MESP1: variants seen among roughly 807,000 people sequenced by gnomAD.
MESP1 encodes mesoderm posterior protein 1.
MESP1 carries 22 observed loss-of-function variants against 15.2 expected under a neutral mutation model. That is an observed-to-expected ratio of 1.45 (90% CI 1.04 to 2.07). The LOEUF (loss-of-function observed/expected upper bound fraction) is 2.07, where lower values mean the gene tolerates loss of function less well. Ranked by LOEUF, MESP1 falls within the 30% of genes most tolerant of loss-of-function variation. The pLI is 0.00. For synonymous variants in MESP1, 216 were observed against 192.6 expected (o/e 1.12, Z -1.01); for missense variants, 484 against 411.9 (o/e 1.17, Z -1.51).
At chr15:89,745,588 C>T (rs1967921033), downstream of MESP1, among the ~76,000 whole-genome samples, 1 of 152,070 alleles carries the variant, frequency 6.6e-6, no homozygotes, top group African/African-American at 2.4e-5. The surrounding 1 kb of genome is among the most constrained non-coding windows in gnomAD (Gnocchi z 4.8). Flanking sequence ...AAGGTGAAAC[C>T]CCGTCTCTAC....
chr15:89,743,604 G>A, the MESP1 span: 2 of 581,476 alleles, frequency 3.4e-6, no homozygotes, highest in Non-Finnish European at 3.1e-6. Flanking sequence ...GCAGGCAGAT[G>A]TGTCACCCAA....
In MESP1 at chr15:89,751,067, G is replaced by A. The variant is rs779106665; in HGVS notation, c.165C>T (p.Pro55=). 3 of 1,324,522 alleles carry A rather than the reference G, an allele frequency of 2.3e-6. No homozygotes were observed. The highest frequency in any genetic ancestry group is 3.9e-5 in the Admixed American group (1 of 25,436). The allele number at this position is 1,324,522 out of a possible 1,614,324, so 82.0% of individuals were successfully genotyped here. A position where few individuals can be genotyped will look rare whatever the true frequency, so the allele number is the denominator to read the frequency against. ...GGTCCCGGAGGGTGCCTGGCCGCGCGGGGCTCGCCACGGGGCTGTCGGCTG... is the reference window on the plus strand; with the variant it reads ...GGTCCCGGAGGGTGCCTGGCCGCGCAGGGCTCGCCACGGGGCTGTCGGCTG... ...STPADSPVAS[P]ARPGTLRDPR... is the part of the protein sequence containing the mutation. The change falls in exon 1 of 2, where the codon CCC becomes CCT. Residue 55 remains proline (P), a synonymous_variant. Transcript: ENST00000300057.
At chr15:89,744,920 C>T (rs1450276596), downstream of MESP1, among the ~76,000 whole-genome samples, 3 of 152,218 alleles carry the variant, frequency 2.0e-5, no homozygotes, top group African/African-American at 7.2e-5. Context: ...TGAGCCTGCT[C>T]CTCACTGGCC....
the MESP1 span, among the ~76,000 whole-genome samples, chr15:89,733,596 C>T: frequency 6.6e-6 from 1 of 152,074 alleles, no homozygotes; most frequent in Non-Finnish European, 1.5e-5. Context: ...TAATGGGTAT[C>T]ATGGGAGTGG....
the MESP1 span, among the ~76,000 whole-genome samples, chr15:89,736,132 G>C: frequency 2.6e-5 from 4 of 152,212 alleles, no homozygotes; most frequent in Non-Finnish European, 4.4e-5. Flanking sequence ...CAGAGAATGG[G>C]AACAGCATAT....
At chr15:89,740,922 C>T in the MESP1 span, among the ~76,000 whole-genome samples, 1 of 152,030 alleles carries the variant, frequency 6.6e-6, no homozygotes, top group African/African-American at 2.4e-5. Flanking sequence ...GGTGGATCAC[C>T]TAAGGCCAGG....
chr15:89,750,376 C>T (rs1968059889), intron 1 of MESP1, 133 bp downstream of exon 1: 2 of 1,476,548 alleles, frequency 1.4e-6, no homozygotes, highest in South Asian at 2.6e-5. Context: ...TCTTGGAGCC[C>T]TGGGCATACT....
Position 89,750,581 on chromosome 15 carries a change from G to T in MESP1, c.651C>A (p.Arg217=). Residue 217 remains arginine, a synonymous_variant, in exon 1 of 2, where the codon CGC becomes CGA. Coordinates refer to ENST00000300057, the MANE Select transcript of MESP1 (RefSeq NM_018670.4). ...CCTCGGCGAACAGCGCAGGCGGGTC[G>T]CGCGGCTCGGGTGCAGCTCGGGCTC... The part of the protein sequence containing the change: ...CPGARAAPEP[R]DPPALFAEAA... The T allele has an allele frequency of 7.1e-7, 1 of 1,417,742 alleles. No homozygotes were observed. 87.8% of individuals were successfully genotyped at this position (1,417,742 alleles called of 1,614,324 possible). A position where few individuals can be genotyped will look rare whatever the true frequency, so the allele number is the denominator to read the frequency against.
the MESP1 span, among the ~76,000 whole-genome samples, chr15:89,733,895 CTCA>C: frequency 5.8e-4 from 88 of 152,344 alleles, no homozygotes; most frequent in African/African-American, 2.1e-3. Context: ...CAAGAAGAGG[CTCA>C]TTTCTCCCAC....
chr15:89,750,111 G>C lies in MESP1; in HGVS notation c.*33C>G. The C allele has an allele frequency of 6.2e-7, 1 of 1,607,170 alleles. No individual in the cohort carries two copies. Among genetic ancestry groups the C allele is most frequent in the Non-Finnish European group, 8.5e-7 (1 of 1,173,896 alleles). On this transcript the variant is annotated 3_prime_UTR_variant, in exon 2 of 2. Transcript: ENST00000300057. ...GAAGGTGCTGAGGCCAAAAAGCCTCGGTGCTCACAGAGACGGCGTCAGTTG... is the reference window on the plus strand; with the variant it reads ...GAAGGTGCTGAGGCCAAAAAGCCTCCGTGCTCACAGAGACGGCGTCAGTTG...
chr15:89,748,617 C>T (rs1411654743), downstream of MESP1: 1 of 152,220 alleles, frequency 6.6e-6, no homozygotes, highest in African/African-American at 2.4e-5. Context: ...CATGATGAGC[C>T]TTAAAAACAT....
chr15:89,743,345 T>C, the MESP1 span: 4 of 1,614,010 alleles, frequency 2.5e-6, no homozygotes, highest in African/African-American at 1.3e-5. Flanking sequence ...TGGGCCCGGC[T>C]TCAGAGGTAC....
the MESP1 span, among the ~76,000 whole-genome samples, chr15:89,733,467 A>G: frequency 4.6e-5 from 7 of 152,092 alleles, no homozygotes; most frequent in African/African-American, 1.7e-4. Context: ...TGAAAACTCA[A>G]TCCCCATTGT....
At chr15:89,742,162 G>A in the MESP1 span, among the ~76,000 whole-genome samples, 1 of 152,138 alleles carries the variant, frequency 6.6e-6, no homozygotes, top group East Asian at 1.9e-4. Context: ...CAGAGATGGA[G>A]GATCACTTGA....
At position 89,751,163 on chromosome 15, in the gene MESP1, C is replaced by T; in HGVS notation, c.69G>A (p.Arg23=). The change falls in exon 1 of 2, where the codon CGG becomes CGA. Residue 23 remains arginine (R), a synonymous_variant. Transcript: ENST00000300057. ...WMLSAAWGPT[R]RPPPSDKDCG... ...AGTCCTTGTCGGAGGGCGGCGGCCG[C>T]CGAGTTGGGCCCCAGGCCGCAGAGA... is the stretch of plus-strand genomic sequence containing the variant. 7.9e-7 allele frequency: 1 copy of T among 1,269,620 alleles called. No individual in the cohort carries two copies. 78.6% of individuals were successfully genotyped at this position (1,269,620 alleles called of 1,614,324 possible).
At chr15:89,746,316 CCA>C (rs2141748161), downstream of MESP1, among the ~76,000 whole-genome samples, 2 of 145,704 alleles carry the variant, frequency 1.4e-5, no homozygotes, top group African/African-American at 5.5e-5. Flanking sequence ...CACACAGTAT[CCA>C]CACAGCATCC....
At chr15:89,733,134 T>C in the MESP1 span, 1 of 1,614,106 alleles carries the variant, frequency 6.2e-7, no homozygotes, top group Non-Finnish European at 8.5e-7. Flanking sequence ...CCAAATGAAA[T>C]GTGTGGTGCT....
At chr15:89,740,969 G>A in the MESP1 span, among the ~76,000 whole-genome samples, 8 of 151,928 alleles carry the variant, frequency 5.3e-5, no homozygotes, top group Admixed American at 1.3e-4. Flanking sequence ...GTGAAACCCC[G>A]TCTCTACTAA....
chr15:89,738,448 G>A, the MESP1 span, among the ~76,000 whole-genome samples: 1 of 152,098 alleles, frequency 6.6e-6, no homozygotes. Context: ...TCAACATGGT[G>A]AAACCCCGTC....
Sources: gnomAD v4.1 joint callset for allele counts (sites outside exome capture counted in the v4.1 genomes callset) on GRCh38, gnomAD v4.1.1 for gene constraint, Gnocchi (gnomAD v3.1) non-coding constraint, MANE v1.5 for transcripts, NCBI Gene and HGNC (gene_info 2026-07-23, HGNC 2026-07-21) for gene names.